Variants in GRM7 observed in about 807,000 individuals in gnomAD.
GRM7 encodes the protein metabotropic glutamate receptor 7.
Under a neutral mutation model 84.5 loss-of-function variants are expected in GRM7, and 35 were observed. The ratio of observed to expected loss-of-function variants is 0.41; its 90% CI spans 0.32 to 0.55. The LOEUF (loss-of-function observed/expected upper bound fraction) is 0.55. Ranked by LOEUF, GRM7 falls within the 20% of genes least tolerant of loss-of-function variation. The probability of loss-of-function intolerance (pLI) is 0.19; values close to 1 mark genes in which losing one functional copy is unlikely to be tolerated. For synonymous variants in GRM7, 487 were observed against 455.1 expected (o/e 1.07, Z -0.89); for missense variants, 1,003 against 1,194.6 (o/e 0.84, Z 2.36).
At chr3:7,469,214 T>G (rs1354643179) in intron 7 of GRM7, among the ~76,000 whole-genome samples, 4 of 152,196 alleles carry the variant, frequency 2.6e-5, no homozygotes, top group Non-Finnish European at 5.9e-5. Flanking sequence ...GCAACCAGAC[T>G]TCTACCCAAG....
At chr3:7,259,787 AT>A (rs1156944854) in intron 2 of GRM7, among the ~76,000 whole-genome samples, 2 of 151,942 alleles carry the variant, frequency 1.3e-5, no homozygotes, top group Non-Finnish European at 2.9e-5. Context: ...AATGATTTAT[AT>A]TTTTTTGGGT....
intron 1 of GRM7, among the ~76,000 whole-genome samples, chr3:7,131,717 T>C (rs1693606917): frequency 1.3e-5 from 2 of 152,092 alleles, no homozygotes; most frequent in Admixed American, 1.3e-4. Context: ...GACCTCGTGA[T>C]CCACCCGTCT....
At chr3:6,945,972 T>C (rs1698062914) in intron 1 of GRM7, among the ~76,000 whole-genome samples, 1 of 152,314 alleles carries the variant, frequency 6.6e-6, no homozygotes, top group Non-Finnish European at 1.5e-5. Context: ...CTTTGTCAGA[T>C]GAGTAGGTTG....
intron 9 of GRM7, among the ~76,000 whole-genome samples, chr3:7,699,824 A>T (rs567247798): frequency 1.3e-5 from 2 of 152,316 alleles, no homozygotes; most frequent in South Asian, 4.1e-4. Flanking sequence ...GCCTAACAAA[A>T]GTTATCTGAT....
chr3:6,884,877 C>A (rs1190368976), intron 1 of GRM7, among the ~76,000 whole-genome samples: 1 of 152,140 alleles, frequency 6.6e-6, no homozygotes, highest in Non-Finnish European at 1.5e-5. Flanking sequence ...GGATTACAGG[C>A]GTGAGCCACC....
intron 7 of GRM7, among the ~76,000 whole-genome samples, chr3:7,517,771 A>T (rs971139299): frequency 2.6e-5 from 4 of 152,218 alleles, no homozygotes; most frequent in Non-Finnish European, 4.4e-5. Context: ...TCTGGGGATT[A>T]TCCCAGTTCA....
rs1018616115 is a variant in GRM7, at chr3:7,741,124, T to C, written c.*718T>C. The C allele has an allele frequency of 2.6e-5, 4 of 152,578 alleles. No individual in the cohort carries two copies. Among genetic ancestry groups the C allele is most frequent in the Admixed American group, 2.6e-4 (4 of 15,268 alleles). The allele number at this position is 152,578 out of a possible 1,614,324, so 9.5% of individuals were successfully genotyped here. ...AAAGGAAGGTATTGGCTGAACTGAA[T>C]AGAGGTCTTGATCTTTGGAATGCAT... On this transcript the variant is annotated 3_prime_UTR_variant, in exon 10 of 10. Coordinates refer to ENST00000357716, the MANE Select transcript of GRM7 (RefSeq NM_000844.4).
At chr3:6,954,207 A>T (rs1692922123) in intron 1 of GRM7, among the ~76,000 whole-genome samples, 1 of 152,194 alleles carries the variant, frequency 6.6e-6, no homozygotes, top group Admixed American at 6.5e-5. Context: ...TGAAGTATTT[A>T]TCCTACCAGT....
chr3:6,919,753 G>A (rs867577035), intron 1 of GRM7, among the ~76,000 whole-genome samples: 3 of 152,080 alleles, frequency 2.0e-5, no homozygotes, highest in Middle Eastern at 3.4e-3. Context: ...GATAACTATC[G>A]AAGATTCTAA....
At chr3:7,202,262 C>T (rs1696092803) in intron 2 of GRM7, among the ~76,000 whole-genome samples, 1 of 152,098 alleles carries the variant, frequency 6.6e-6, no homozygotes, top group African/African-American at 2.4e-5. Flanking sequence ...TTCAAGCAGC[C>T]TGTTTATTGC....
At chr3:7,571,765 G>A (rs1361675878) in intron 7 of GRM7, among the ~76,000 whole-genome samples, 1 of 152,074 alleles carries the variant, frequency 6.6e-6, no homozygotes, top group Admixed American at 6.6e-5. Context: ...TACTGTATTA[G>A]TTTGTTTTCA....
intron 1 of GRM7, among the ~76,000 whole-genome samples, chr3:6,881,131 T>C (rs2124962446): frequency 6.6e-6 from 1 of 152,328 alleles, no homozygotes; most frequent in East Asian, 1.9e-4. Context: ...CATTCTTTTT[T>C]TCTTTTAATT....
At position 7,730,754 on chromosome 3, in the gene GRM7, C is replaced by T. The variant is rs568382547; in HGVS notation, c.2699-9603C>T. On this transcript the variant is annotated intron_variant, in intron 9 of 9. Coordinates refer to ENST00000357716, the MANE Select transcript of GRM7 (RefSeq NM_000844.4). ...TAAGACAGACTTTGGTTCACAGCTT[C>T]GATCTTTGATGTATGATTGCACTGC... Among the ~76,000 whole-genome samples, 6 of 152,270 alleles carry T rather than the reference C, an allele frequency of 3.9e-5. No individual in the cohort carries two copies. In the South Asian group the frequency reaches 8.3e-4, roughly 21 times the overall value.
At chr3:7,456,279 G>A (rs1462630770) in intron 6 of GRM7, among the ~76,000 whole-genome samples, 1 of 151,926 alleles carries the variant, frequency 6.6e-6, no homozygotes, top group African/African-American at 2.4e-5. Context: ...AATGATTATA[G>A]ACCATTTTGT....
At chr3:7,245,043 A>C (rs1697706216) in intron 2 of GRM7, among the ~76,000 whole-genome samples, 1 of 152,086 alleles carries the variant, frequency 6.6e-6, no homozygotes, top group African/African-American at 2.4e-5. Context: ...TCATAAATTT[A>C]TTAGATGGGA....
At chr3:7,357,214 T>A (rs911086062) in intron 4 of GRM7, among the ~76,000 whole-genome samples, 1 of 151,714 alleles carries the variant, frequency 6.6e-6, no homozygotes, top group Non-Finnish European at 1.5e-5. Flanking sequence ...CCAAGACAAA[T>A]CCAATTTTAC....
chr3:7,075,942 T>C (rs1014847013), intron 1 of GRM7, among the ~76,000 whole-genome samples: 2 of 152,192 alleles, frequency 1.3e-5, no homozygotes, highest in Non-Finnish European at 2.9e-5. Flanking sequence ...TTTAATTTTT[T>C]TTTTTACTAT....
chr3:7,477,987 C>T (rs561006880), intron 7 of GRM7, among the ~76,000 whole-genome samples: 5 of 152,224 alleles, frequency 3.3e-5, no homozygotes, highest in African/African-American at 1.2e-4. Flanking sequence ...AGAGCAAGTT[C>T]AATAAGATAA....
chr3:7,039,773 A>G (rs1357775065), intron 1 of GRM7, among the ~76,000 whole-genome samples: 1 of 151,824 alleles, frequency 6.6e-6, no homozygotes, highest in Non-Finnish European at 1.5e-5. Flanking sequence ...CCAGCGATGG[A>G]TTTGATCTAT....
Sources: gnomAD v4.1 joint callset for allele counts (sites outside exome capture counted in the v4.1 genomes callset) on GRCh38, gnomAD v4.1.1 for gene constraint, MANE v1.5 for transcripts, NCBI Gene and HGNC (gene_info 2026-07-23, HGNC 2026-07-21) for gene names.